Variants in A2M observed in about 807,000 individuals in gnomAD.
The protein encoded by A2M is C3 and PZP-like alpha-2-macroglobulin domain-containing protein 5.
Under a neutral mutation model 183.9 loss-of-function variants are expected in A2M, and 128 were observed. That is an observed-to-expected ratio of 0.70 (90% CI 0.60 to 0.81). The LOEUF (loss-of-function observed/expected upper bound fraction) is 0.81, where lower values mean the gene tolerates loss of function less well. Among genes scored for constraint, A2M ranks in the 30% least tolerant of loss-of-function variants. A2M has a pLI of 0.00. For synonymous variants in A2M, 592 were observed against 670.8 expected (o/e 0.88, Z 1.81); for missense variants, 1,495 against 1,787.6 (o/e 0.84, Z 2.95).
chr12:9,077,844 C>G lies in A2M; in HGVS notation c.3133G>C (p.Val1045Leu). 6.2e-7 allele frequency: 1 copy of G among 1,614,126 alleles called. No homozygotes were observed. Among genetic ancestry groups the G allele is most frequent in the East Asian group, 2.2e-5 (1 of 44,872 alleles). Residue 1045 changes from valine to leucine, a missense_variant, in exon 26 of 36, where the codon GTT becomes CTT. Transcript: ENST00000318602. ...NQGNTWLTAF[V>L]LKTFAQARAY... ...CGAGCTTGGGCAAAAGTCTTCAGAACAAAGGCTGTGAGCCTGACCAGGGAG... is the reference window on the plus strand; with the variant it reads ...CGAGCTTGGGCAAAAGTCTTCAGAAGAAAGGCTGTGAGCCTGACCAGGGAG...
In A2M at chr12:9,098,761, G is replaced by T. The variant is rs750455299; in HGVS notation, c.1702-5C>A. 6 of 1,612,122 alleles carry T rather than the reference G, an allele frequency of 3.7e-6. No individual in the cohort carries two copies. Among genetic ancestry groups the T allele is most frequent in the Non-Finnish European group, 5.1e-6 (6 of 1,179,358 alleles). ...TGGGCTGAAGCTCAAATCCACCTGT[G>T]AAATTGGAACAAAAGGTCAGAAAAG... On this transcript the variant is annotated splice_polypyrimidine_tract_variant and splice_region_variant and intron_variant, in intron 14 of 35. Coordinates refer to ENST00000318602, the MANE Select transcript of A2M (RefSeq NM_000014.6).
intron 22 of A2M, among the ~76,000 whole-genome samples, chr12:9,081,162 G>A (rs925005820): frequency 2.0e-5 from 3 of 152,032 alleles, no homozygotes; most frequent in African/African-American, 7.2e-5. Flanking sequence ...ATACAACTGA[G>A]TCAGAAAAAA....
chr12:9,077,911 C>T, intron 25 of A2M, 54 bp from the exon 26 acceptor site: 2 of 1,608,686 alleles, frequency 1.2e-6, no homozygotes, highest in Middle Eastern at 1.7e-4. Flanking sequence ...GGTTTTATAA[C>T]CACTTCACAG....
At chr12:9,079,139 G>T in intron 25 of A2M, 105 bp downstream of exon 25, 1 of 839,748 alleles carries the variant, frequency 1.2e-6, no homozygotes, top group Non-Finnish European at 1.9e-6. Context: ...CAAACCATCG[G>T]TCTGATAATA....
Position 9,112,426 on chromosome 12 carries a change from A to C in A2M, c.381T>G (p.Ser127Arg). The C allele has an allele frequency of 1.9e-6, 3 of 1,613,986 alleles. No individual in the cohort carries two copies. The highest frequency in any genetic ancestry group is 1.6e-4 in the Middle Eastern group (1 of 6,062). ...RTTVMVKNED[S>R]LVFVQTDKSI... The stretch of plus-strand genomic sequence containing the variant: ...ATTTGTCTGTCTGGACAAAGACCAG[A>C]CTGTCCTCGTTCTTAACCATCACTG... The change falls in exon 3 of 36, where the codon AGT (serine) becomes AGG (arginine). Residue 127 changes from serine to arginine, a missense_variant. Physicochemically the swap from Ser to Arg is moderately radical, Grantham distance 110. Coordinates refer to ENST00000318602, the MANE Select transcript of A2M (RefSeq NM_000014.6).
Position 9,095,072 on chromosome 12 carries a change from T to A in A2M, c.2026A>T (p.Lys676Ter). The A allele has an allele frequency of 6.3e-7, 1 of 1,580,174 alleles. No homozygotes were observed. Among genetic ancestry groups the A allele is most frequent in the South Asian group, 1.2e-5 (1 of 84,456 alleles). ...MYSFLEDMGL[K>*]AFTNSKIRKP... ...CGAATCTTTGAGTTGGTGAATGCCT[T>A]TAAGCCCATGTCCTGCAAAGAAAAT... The change falls in exon 17 of 36, where the codon AAG (lysine) becomes TAG (stop). Residue 676 changes from lysine (K) to a stop codon, truncating the protein, a stop_gained. Coordinates refer to ENST00000318602, the MANE Select transcript of A2M (RefSeq NM_000014.6). LOFTEE classifies it high-confidence loss of function.
In A2M at chr12:9,113,604, C is replaced by A. The variant is rs1009035747; in HGVS notation, c.87-61G>T. 6.3e-5 allele frequency: 91 copies of A among 1,454,170 alleles called. No homozygotes were observed. The Admixed American group carries it at 1.6e-3, about 26-fold the overall frequency. 90.1% of individuals were successfully genotyped at this position (1,454,170 alleles called of 1,614,324 possible). A position where few individuals can be genotyped will look rare whatever the true frequency, so the allele number is the denominator to read the frequency against. On this transcript the variant is annotated intron_variant, in intron 1 of 35. Transcript: ENST00000318602. ...GGAAGAGAGGCATTGCTATCAACAG[C>A]ACTTTTTTCCATCATCATAATTATC...
At chr12:9,101,256 C>CT in intron 12 of A2M, 49 bp from the exon 13 acceptor site, 1 of 1,523,478 alleles carries the variant, frequency 6.6e-7, no homozygotes, top group Admixed American at 2.0e-5. Context: ...AGAGAACACG[C>CT]TTCAGTCTCA....
At chr12:9,079,859 T>C in intron 23 of A2M, 44 bp from the exon 24 acceptor site, 1 of 1,475,858 alleles carries the variant, frequency 6.8e-7, no homozygotes, top group South Asian at 1.5e-5. Context: ...TTGGAGATTA[T>C]CATCTATCAA....
At chr12:9,093,666 A>T in intron 17 of A2M, 87 bp from the exon 18 acceptor site, 1 of 745,322 alleles carries the variant, frequency 1.3e-6, no homozygotes, top group South Asian at 3.0e-5. Flanking sequence ...AAAAAAAAAA[A>T]CAAAAAACAA....
chr12:9,113,556 C>T lies in A2M; in HGVS notation c.87-13G>A, dbSNP rs760268548. ...AACCATATACTGCCTGGGAATGAGA[C>T]GGTTCAGTTAGAGGAAAGTGAAGGA... On this transcript the variant is annotated splice_polypyrimidine_tract_variant and intron_variant, in intron 1 of 35. Coordinates refer to ENST00000318602, the MANE Select transcript of A2M (RefSeq NM_000014.6). 18 of 1,609,934 alleles carry T rather than the reference C, an allele frequency of 1.1e-5. No homozygotes were observed. Among genetic ancestry groups the T allele is most frequent in the African/African-American group, 4.0e-5 (3 of 74,630 alleles).
intron 20 of A2M, 89 bp from the exon 21 acceptor site, chr12:9,090,112 A>G: frequency 6.5e-7 from 1 of 1,529,202 alleles, no homozygotes; most frequent in Non-Finnish European, 8.8e-7. Flanking sequence ...AATGCTCTGT[A>G]AACTTTTGTT....
At chr12:9,113,070 A>AT (rs1459807149) in intron 2 of A2M, among the ~76,000 whole-genome samples, 5 of 141,648 alleles carry the variant, frequency 3.5e-5, no homozygotes, top group African/African-American at 1.3e-4. Flanking sequence ...CTTTATTAAT[A>AT]TTTTTTCCAT....
Position 9,115,749 on chromosome 12 carries a change from C to G in A2M, c.86+15G>C, listed in dbSNP as rs1555163073. 16 of 1,600,060 alleles carry G rather than the reference C, an allele frequency of 1.0e-5. No individual in the cohort carries two copies. Among genetic ancestry groups the G allele is most frequent in the Non-Finnish European group, 1.4e-5 (16 of 1,167,434 alleles). On this transcript the variant is annotated intron_variant, in intron 1 of 35. Coordinates refer to ENST00000318602, the MANE Select transcript of A2M (RefSeq NM_000014.6). ...ACTCTAGGTTCATGCTTCACGCTCT[C>G]TGTGTGGAACTCACGGTTTTCCAGA... is the stretch of plus-strand genomic sequence containing the variant.
Position 9,076,770 on chromosome 12 carries a change from T to G in A2M, c.3518A>C (p.Glu1173Ala), listed in dbSNP as rs745534664. The change falls in exon 28 of 36, where the codon GAA (glutamate) becomes GCA (alanine). Residue 1173 changes from glutamate (E) to alanine (A), a missense_variant. Coordinates refer to ENST00000318602, the MANE Select transcript of A2M (RefSeq NM_000014.6). ...TGTGCTCTCACCTTTCTTCACAGCT[T>G]CCTCATTAAGTGACTTGAGTACTTC... ...RKEVLKSLNE[E>A]AVKKDNSVHW... The G allele has an allele frequency of 1.2e-6, 2 of 1,613,926 alleles. No homozygotes were observed. Among genetic ancestry groups the G allele is most frequent in the Admixed American group, 3.3e-5 (2 of 60,026 alleles).
chr12:9,076,062 G>A (rs1416226773), intron 28 of A2M, among the ~76,000 whole-genome samples: 1 of 152,154 alleles, frequency 6.6e-6, no homozygotes, highest in Non-Finnish European at 1.5e-5. Context: ...ATATGTAGAA[G>A]TACTGTGTGA....
chr12:9,092,510 G>C (rs755895980), intron 18 of A2M, among the ~76,000 whole-genome samples: 2 of 152,156 alleles, frequency 1.3e-5, no homozygotes, highest in Non-Finnish European at 2.9e-5. Flanking sequence ...GCATCTGGGA[G>C]TGAAAGGGAG....
chr12:9,112,614 T>C (rs780298882), intron 2 of A2M, 78 bp from the exon 3 acceptor site: 20 of 1,512,288 alleles, frequency 1.3e-5, no homozygotes, highest in Non-Finnish European at 1.8e-5. Flanking sequence ...CACTCTTCCC[T>C]GGAGATCTTG....
At chr12:9,104,565 T>C (rs1287512489) in intron 10 of A2M, among the ~76,000 whole-genome samples, 165 bp from the exon 11 acceptor site, 1 of 152,150 alleles carries the variant, frequency 6.6e-6, no homozygotes, top group Non-Finnish European at 1.5e-5. Flanking sequence ...CAGAGCTTAC[T>C]GTCTAGTGAA....
Sources: allele counts gnomAD v4.1 joint callset (sites outside exome capture counted in the v4.1 genomes callset), GRCh38; gene constraint gnomAD v4.1.1; transcripts MANE v1.5; gene names NCBI Gene and HGNC (gene_info 2026-07-23, HGNC 2026-07-21).